Variants in LRRC49 observed in about 807,000 individuals in gnomAD.
The protein encoded by LRRC49 is leucine-rich repeat-containing protein 49.
LRRC49 carries 50 observed loss-of-function variants against 83.3 expected under a neutral mutation model. That is an observed-to-expected ratio of 0.60 (90% CI 0.48 to 0.76). The LOEUF is 0.76. Among genes scored for constraint, LRRC49 ranks in the 30% least tolerant of loss-of-function variants. The pLI, the probability that LRRC49 is intolerant of heterozygous loss-of-function variation, is 0.00. For synonymous variants in LRRC49, 286 were observed against 283.3 expected (o/e 1.01, Z -0.10); for missense variants, 704 against 809.1 (o/e 0.87, Z 1.58).
intron 15 of LRRC49, among the ~76,000 whole-genome samples, chr15:71,045,847 C>T (rs886948555): frequency 1.3e-5 from 2 of 152,146 alleles, no homozygotes; most frequent in Non-Finnish European, 2.9e-5. Flanking sequence ...TTAGCCCACA[C>T]CCCTACCACC....
chr15:70,874,844 T>A (rs1271399123), intron 2 of LRRC49, among the ~76,000 whole-genome samples: 1 of 152,240 alleles, frequency 6.6e-6, no homozygotes, highest in East Asian at 1.9e-4. Context: ...TCCCTATCAT[T>A]CTTCAACAAA....
intron 14 of LRRC49, among the ~76,000 whole-genome samples, chr15:71,036,671 T>C (rs78302759): frequency 0.032 from 4,927 of 152,280 alleles, 116 homozygotes; most frequent in Middle Eastern, 0.071. Context: ...CATGATATGC[T>C]CACAATTGGA....
At chr15:70,898,524 C>T (rs568849842) in intron 3 of LRRC49, 1 of 632,468 alleles carries the variant, frequency 1.6e-6, no homozygotes, top group Admixed American at 2.5e-5. Flanking sequence ...CCTGTAACCC[C>T]AGCACTTTGG....
chr15:70,949,950 A>G (rs916645395), intron 8 of LRRC49, among the ~76,000 whole-genome samples: 4 of 152,036 alleles, frequency 2.6e-5, no homozygotes, highest in African/African-American at 4.8e-5. Flanking sequence ...GACTTCCAAG[A>G]TATGCCTTCC....
At chr15:71,012,956 A>C in intron 14 of LRRC49, 43 bp downstream of exon 14, 1 of 1,252,220 alleles carries the variant, frequency 8.0e-7, no homozygotes, top group South Asian at 1.3e-5. Flanking sequence ...TTACTGTTAC[A>C]CTAGAAAAAG....
At chr15:70,967,938 G>C (rs1421972749) in intron 9 of LRRC49, among the ~76,000 whole-genome samples, 1 of 150,772 alleles carries the variant, frequency 6.6e-6, no homozygotes, top group Non-Finnish European at 1.5e-5. Context: ...CAGCTGAAAG[G>C]TAAGATGAAG....
At chr15:71,015,481 CTGA>C (rs1231458946) in intron 14 of LRRC49, among the ~76,000 whole-genome samples, 1 of 152,168 alleles carries the variant, frequency 6.6e-6, no homozygotes, top group Non-Finnish European at 1.5e-5. Flanking sequence ...AACGCCACTG[CTGA>C]TCTGACAGGA....
intron 1 of LRRC49, chr15:70,854,195 G>T: frequency 2.5e-6 from 2 of 808,004 alleles, no homozygotes; most frequent in Non-Finnish European, 3.2e-6. Flanking sequence ...CGCGCCTGCC[G>T]CTCGGCCCAG....
chr15:71,049,659 G>T lies in LRRC49; in HGVS notation c.*47G>T, dbSNP rs758608185. On this transcript the variant is annotated 3_prime_UTR_variant, in exon 16 of 16. Transcript: ENST00000260382. ...GATTTTGGCAGTTTTATTTTTTGAAGGTTGAAAATATGCAGGTTATACATG... is the reference window on the plus strand; with the variant it reads ...GATTTTGGCAGTTTTATTTTTTGAATGTTGAAAATATGCAGGTTATACATG... The T allele has an allele frequency of 1.5e-6, 2 of 1,329,518 alleles. No individual in the cohort carries two copies. The highest frequency in any genetic ancestry group is 2.1e-6 in the Non-Finnish European group (2 of 934,660). The allele number at this position is 1,329,518 out of a possible 1,614,324, so 82.4% of individuals were successfully genotyped here.
upstream of LRRC49, chr15:70,892,239 T>G: frequency 1.3e-6 from 2 of 1,586,498 alleles, no homozygotes; most frequent in Non-Finnish European, 1.7e-6. Flanking sequence ...TTGGTGGTGT[T>G]GCCGCAGTGG....
At chr15:71,020,533 C>T (rs1465944814) in intron 14 of LRRC49, among the ~76,000 whole-genome samples, 1 of 152,052 alleles carries the variant, frequency 6.6e-6, no homozygotes, top group Non-Finnish European at 1.5e-5. Context: ...AGTGAAACTA[C>T]AGAACTCTAA....
intron 2 of LRRC49, among the ~76,000 whole-genome samples, chr15:70,886,038 G>A (rs2033398252): frequency 6.6e-6 from 1 of 152,050 alleles, no homozygotes; most frequent in African/African-American, 2.4e-5. Context: ...ACTAAAAAAT[G>A]CCCAGAGATA....
At chr15:70,891,565 CTCTGTGTGTGTGTG>C (rs1280138699), upstream of LRRC49, among the ~76,000 whole-genome samples, 1 of 118,954 alleles carries the variant, frequency 8.4e-6, no homozygotes, top group African/African-American at 3.0e-5. Context: ...CAGGACAAGA[CTCTGTGTGTGTGTG>C]TGTGTGTGTG....
intron 8 of LRRC49, among the ~76,000 whole-genome samples, chr15:70,942,957 A>G (rs1405052349): frequency 3.3e-5 from 5 of 152,288 alleles, no homozygotes; most frequent in East Asian, 1.9e-4. Context: ...GTTCTTATCT[A>G]CTAATTCCAA....
exon 2 of LRRC49, chr15:70,873,040 A>G (rs750725349): frequency 1.6e-6 from 1 of 629,402 alleles, no homozygotes; most frequent in Non-Finnish European, 2.9e-6. Flanking sequence ...GCCCGCCACC[A>G]TGCCCAGCTC....
At chr15:71,031,573 G>T (rs2039352969) in intron 14 of LRRC49, among the ~76,000 whole-genome samples, 1 of 152,170 alleles carries the variant, frequency 6.6e-6, no homozygotes, top group African/African-American at 2.4e-5. Flanking sequence ...TTCAGAGCTG[G>T]CAGGCAGGAA....
intron 1 of LRRC49, among the ~76,000 whole-genome samples, chr15:70,868,080 T>C (rs1268907606): frequency 6.6e-6 from 1 of 152,204 alleles, no homozygotes; most frequent in East Asian, 1.9e-4. Context: ...TGCTAATGGC[T>C]TGGAGGGTGG....
intron 1 of LRRC49, 41 bp from the exon 2 acceptor site, chr15:70,893,543 G>A (rs766239548): frequency 4.0e-6 from 5 of 1,250,420 alleles, no homozygotes; most frequent in East Asian, 2.3e-5. Flanking sequence ...ATGTGTTTGT[G>A]TATTAAGAGC....
At chr15:71,032,390 G>A (rs1025383988) in intron 14 of LRRC49, among the ~76,000 whole-genome samples, 3 of 151,984 alleles carry the variant, frequency 2.0e-5, no homozygotes, top group African/African-American at 4.8e-5. Flanking sequence ...TGTTGGTCTC[G>A]CTGGGAGCTG....
Sources: gnomAD v4.1 joint callset for allele counts (sites outside exome capture counted in the v4.1 genomes callset) on GRCh38, gnomAD v4.1.1 for gene constraint, MANE v1.5 for transcripts, NCBI Gene and HGNC (gene_info 2026-07-23, HGNC 2026-07-21) for gene names.